Variants in SSH2 observed in about 807,000 individuals in gnomAD.
SSH2 encodes the protein slingshot protein phosphatase 2.
A neutral mutation model predicts 135.2 loss-of-function variants in SSH2; 37 were observed. The ratio of observed to expected loss-of-function variants is 0.27; its 90% confidence interval spans 0.21 to 0.36. The LOEUF (loss-of-function observed/expected upper bound fraction) is 0.36. Among genes scored for constraint, SSH2 ranks in the 10% least tolerant of loss-of-function variants. SSH2 has a pLI of 1.00. For synonymous variants in SSH2, 628 were observed against 646.2 expected (o/e 0.97, Z 0.43); for missense variants, 1,408 against 1,765.3 (o/e 0.80, Z 3.63).
At chr17:29,762,037 C>T (rs551387846) in intron 3 of SSH2, among the ~76,000 whole-genome samples, 1 of 152,092 alleles carries the variant, frequency 6.6e-6, no homozygotes, top group South Asian at 2.1e-4. Context: ...TGCGCCACCA[C>T]GCCTGGCTAA....
intron 3 of SSH2, among the ~76,000 whole-genome samples, chr17:29,772,440 T>A (rs1455721312): frequency 6.6e-6 from 1 of 151,914 alleles, no homozygotes; most frequent in Non-Finnish European, 1.5e-5. Context: ...AGAGACGGGG[T>A]TTCACCGTGT....
chr17:29,898,081 G>A (rs947460105), intron 1 of SSH2, among the ~76,000 whole-genome samples: 4 of 151,990 alleles, frequency 2.6e-5, no homozygotes, highest in Non-Finnish European at 5.9e-5. Flanking sequence ...TGAAACCAAC[G>A]AGAACAAAGA....
intron 2 of SSH2, among the ~76,000 whole-genome samples, chr17:29,841,964 G>T (rs954324866): frequency 7.1e-6 from 1 of 141,662 alleles, no homozygotes; most frequent in African/African-American, 2.6e-5. Flanking sequence ...GAATTCCTGA[G>T]CTTAAGCGAT....
At chr17:29,873,340 C>T (rs1161993838) in intron 1 of SSH2, among the ~76,000 whole-genome samples, 1 of 151,862 alleles carries the variant, frequency 6.6e-6, no homozygotes, top group East Asian at 1.9e-4. Context: ...CAGTAGATCA[C>T]CTGAGGTCAG....
intron 3 of SSH2, among the ~76,000 whole-genome samples, chr17:29,761,888 T>TATA (rs1420701753): frequency 7.6e-6 from 1 of 132,306 alleles, no homozygotes; most frequent in African/African-American, 3.0e-5. Context: ...TATATATATA[T>TATA]TTTTTTTTGA....
In SSH2 at chr17:29,671,932, T is replaced by C; in HGVS notation, c.809+3A>G. On this transcript the variant is annotated splice_donor_region_variant and intron_variant, in intron 9 of 15. Transcript: ENST00000540801. ...TTCCATAATCCTTAGCAAACTGACT[T>C]ACATGTCGGTGAAGAGAGCTGGAGA... 3 of 1,610,952 alleles carry C rather than the reference T, an allele frequency of 1.9e-6. No homozygotes were observed. The highest frequency in any genetic ancestry group is 2.2e-5 in the East Asian group (1 of 44,848).
chr17:29,646,306 A>C (rs560137870), intron 14 of SSH2, among the ~76,000 whole-genome samples: 1 of 152,288 alleles, frequency 6.6e-6, no homozygotes, highest in African/African-American at 2.4e-5. Context: ...CCGATATAGG[A>C]AGACATTCAA....
At chr17:29,773,800 C>T (rs2041637662) in intron 3 of SSH2, among the ~76,000 whole-genome samples, 1 of 152,172 alleles carries the variant, frequency 6.6e-6, no homozygotes, top group Non-Finnish European at 1.5e-5. Context: ...GTCTCAGCCT[C>T]CCAAGTAGCT....
chr17:29,753,625 G>A (rs1198955195), intron 3 of SSH2, among the ~76,000 whole-genome samples: 3 of 151,112 alleles, frequency 2.0e-5, no homozygotes, highest in African/African-American at 4.9e-5. Context: ...GTGAAACCCC[G>A]TCTGTACTAA....
At chr17:29,927,979 T>C (rs1433626166) in intron 1 of SSH2, among the ~76,000 whole-genome samples, 1 of 152,232 alleles carries the variant, frequency 6.6e-6, no homozygotes, top group Non-Finnish European at 1.5e-5. Flanking sequence ...AATGAAGTCA[T>C]ATCAAGTGTA....
chr17:29,881,419 T>G (rs1242513082), intron 1 of SSH2, among the ~76,000 whole-genome samples: 1 of 152,184 alleles, frequency 6.6e-6, no homozygotes, highest in Non-Finnish European at 1.5e-5. Flanking sequence ...CAATCTGTAG[T>G]GCCTATTTTC....
At chr17:29,794,000 A>G (rs56047082) in intron 2 of SSH2, 63 bp from the exon 3 acceptor site, 1 of 1,198,860 alleles carries the variant, frequency 8.3e-7, no homozygotes, top group African/African-American at 1.5e-5. Context: ...AATATCACTA[A>G]TATAATTTTA....
At chr17:29,654,593 T>C (rs2036707770) in intron 12 of SSH2, among the ~76,000 whole-genome samples, 1 of 152,156 alleles carries the variant, frequency 6.6e-6, no homozygotes, top group Non-Finnish European at 1.5e-5. Context: ...CAGACCTTAT[T>C]TTCTCTTTTC....
intron 3 of SSH2, among the ~76,000 whole-genome samples, chr17:29,707,787 A>G (rs1427889636): frequency 6.6e-6 from 1 of 152,126 alleles, no homozygotes; most frequent in African/African-American, 2.4e-5. Context: ...TGGCCTCCCA[A>G]AGTGCTGGGA....
intron 15 of SSH2, among the ~76,000 whole-genome samples, chr17:29,634,489 A>G (rs143210383): frequency 2.6e-5 from 4 of 152,340 alleles, no homozygotes; most frequent in African/African-American, 4.8e-5. Flanking sequence ...AAGAGCTCCT[A>G]TGCCACAAAG....
In SSH2 at chr17:29,924,720, G is replaced by A. The variant is rs185966884; in HGVS notation, c.63+5218C>T. 2.2e-3 allele frequency among the ~76,000 whole-genome samples: 335 copies of A among 152,006 alleles called. 1 individual carries two copies. The highest frequency in any genetic ancestry group is 8.0e-3 in the African/African-American group (330 of 41,446). On this transcript the variant is annotated intron_variant, in intron 1 of 15. Transcript: ENST00000540801. The stretch of plus-strand genomic sequence containing the variant: ...AGGGAACCTGCCTTTAGCAGCACCT[G>A]TAATTTTCCATTATTATGTTGCTTT...
chr17:29,897,718 A>G (rs2066470859), intron 1 of SSH2, among the ~76,000 whole-genome samples: 1 of 152,176 alleles, frequency 6.6e-6, no homozygotes, highest in Non-Finnish European at 1.5e-5. Context: ...AGACAGATCA[A>G]TGAGACAGAA....
chr17:29,693,882 T>C (rs1403002214), intron 5 of SSH2, among the ~76,000 whole-genome samples: 2 of 152,196 alleles, frequency 1.3e-5, no homozygotes, highest in East Asian at 1.9e-4. Context: ...TTCTGAGGAA[T>C]CTTCCCTAAC....
intron 2 of SSH2, among the ~76,000 whole-genome samples, chr17:29,844,509 G>A (rs2151382081): frequency 6.6e-6 from 1 of 152,274 alleles, no homozygotes; most frequent in East Asian, 1.9e-4. Context: ...ATGAAGAGAA[G>A]CCTCAGGAGT....
Sources: allele counts gnomAD v4.1 joint callset (sites outside exome capture counted in the v4.1 genomes callset), GRCh38; gene constraint gnomAD v4.1.1; transcripts MANE v1.5; gene names NCBI Gene and HGNC (gene_info 2026-07-23, HGNC 2026-07-21).